PRKG1: variants seen among roughly 807,000 people sequenced by gnomAD.
The protein encoded by PRKG1 is protein kinase cGMP-dependent 1, also known as cGMP-dependent protein kinase 1.
In PRKG1, 35 loss-of-function variants were observed where a neutral mutation model predicts 88.1. The ratio of observed to expected loss-of-function variants is 0.40; its 90% CI spans 0.30 to 0.53. PRKG1 has a LOEUF of 0.53. Ranked by LOEUF, PRKG1 falls within the 20% of genes least tolerant of loss-of-function variation. PRKG1 has a pLI of 0.59. For missense variants in PRKG1, 540 were observed against 839.8 expected, an observed-to-expected ratio of 0.64 and a Z score of 4.41; for synonymous variants, 303 against 292.5, an observed-to-expected ratio of 1.04 and a Z score of -0.37.
chr10:51,545,498 A>G (rs1324256119), intron 3 of PRKG1, among the ~76,000 whole-genome samples: 1 of 152,128 alleles, frequency 6.6e-6, no homozygotes, highest in Non-Finnish European at 1.5e-5. Context: ...TTCCTGGGGC[A>G]TACACTTAAT....
chr10:52,180,005 C>A (rs948531584), intron 9 of PRKG1, among the ~76,000 whole-genome samples: 4 of 152,132 alleles, frequency 2.6e-5, no homozygotes, highest in African/African-American at 9.7e-5. Flanking sequence ...TTTTCTGTAC[C>A]TTTTGATTTC....
At chr10:51,290,296 A>G (rs1022620096) in intron 2 of PRKG1, among the ~76,000 whole-genome samples, 3 of 152,176 alleles carry the variant, frequency 2.0e-5, no homozygotes, top group Non-Finnish European at 4.4e-5. Flanking sequence ...TTTGTTTATA[A>G]TATTTGATAC....
At chr10:51,364,654 A>G (rs1267612933) in intron 2 of PRKG1, among the ~76,000 whole-genome samples, 1 of 151,958 alleles carries the variant, frequency 6.6e-6, no homozygotes, top group Non-Finnish European at 1.5e-5. Context: ...AAATGGATGG[A>G]TTTATATAAA....
intron 3 of PRKG1, among the ~76,000 whole-genome samples, chr10:51,502,667 T>C (rs1350304167): frequency 6.6e-6 from 1 of 152,142 alleles, no homozygotes; most frequent in East Asian, 1.9e-4. Flanking sequence ...AATGATGCTA[T>C]CCAAATCCCA....
intron 3 of PRKG1, among the ~76,000 whole-genome samples, chr10:51,504,324 G>GTA (rs766102624): frequency 2.6e-5 from 4 of 152,068 alleles, no homozygotes; most frequent in Non-Finnish European, 5.9e-5. Flanking sequence ...TGTTCCATTG[G>GTA]TATATATCTC....
intron 2 of PRKG1, among the ~76,000 whole-genome samples, chr10:51,374,796 T>C (rs1189322): frequency 0.69 from 104,537 of 152,098 alleles, 36,704 homozygotes; most frequent in African/African-American, 0.8. Flanking sequence ...TGTAGAAGCA[T>C]GAGACAGACT....
intron 5 of PRKG1, among the ~76,000 whole-genome samples, chr10:51,957,800 G>C (rs1843350193): frequency 6.6e-6 from 1 of 152,126 alleles, no homozygotes; most frequent in African/African-American, 2.4e-5. Flanking sequence ...TGAAATCACA[G>C]TTTGTAACTT....
chr10:51,601,297 A>T (rs1838592849), intron 3 of PRKG1, among the ~76,000 whole-genome samples: 1 of 152,188 alleles, frequency 6.6e-6, no homozygotes, highest in Non-Finnish European at 1.5e-5. Context: ...CTAAGTAAAT[A>T]TTATTGTCAA....
chr10:51,975,126 T>G (rs1025564423), intron 5 of PRKG1, among the ~76,000 whole-genome samples: 1 of 152,120 alleles, frequency 6.6e-6, no homozygotes, highest in Non-Finnish European at 1.5e-5. Context: ...GTGTTACCTC[T>G]TCAATTGCAA....
At chr10:51,116,994 G>A (rs1845139987) in intron 1 of PRKG1, among the ~76,000 whole-genome samples, 1 of 151,888 alleles carries the variant, frequency 6.6e-6, no homozygotes, top group Admixed American at 6.6e-5. Flanking sequence ...GGGTAGATCT[G>A]AGAGATAATG....
intron 9 of PRKG1, among the ~76,000 whole-genome samples, chr10:52,220,245 G>A (rs1026662904): frequency 3.9e-5 from 6 of 152,106 alleles, no homozygotes; most frequent in Admixed American, 6.5e-5. Flanking sequence ...GGGAAAGCCA[G>A]TCACCCTATC....
At chr10:51,167,346 G>A (rs537896519) in intron 2 of PRKG1, among the ~76,000 whole-genome samples, 18 of 152,154 alleles carry the variant, frequency 1.2e-4, no homozygotes, top group African/African-American at 3.4e-4. Flanking sequence ...AGTAAGGTAC[G>A]GAAAAGTTTG....
intron 1 of PRKG1, among the ~76,000 whole-genome samples, chr10:51,107,181 G>A (rs1844856924): frequency 6.6e-6 from 1 of 152,130 alleles, no homozygotes; most frequent in Non-Finnish European, 1.5e-5. Flanking sequence ...AACAAGCTTC[G>A]TGTACATGAG....
intron 3 of PRKG1, among the ~76,000 whole-genome samples, chr10:51,468,291 G>A (rs1197366401): frequency 6.6e-6 from 1 of 151,756 alleles, no homozygotes; most frequent in Non-Finnish European, 1.5e-5. Context: ...ACATCATTGA[G>A]TAAGATATCT....
chr10:52,157,316 T>TATATATAC (rs1838143532), intron 8 of PRKG1, among the ~76,000 whole-genome samples: 1 of 43,600 alleles, frequency 2.3e-5, no homozygotes, highest in East Asian at 4.1e-4. Flanking sequence ...GATATATATA[T>TATATATAC]ATATATATAT....
chr10:51,165,880 A>T (rs1203379888), intron 2 of PRKG1, among the ~76,000 whole-genome samples: 1 of 152,150 alleles, frequency 6.6e-6, no homozygotes. Context: ...TTTATTCCCC[A>T]TTGGAAAAAA....
At chr10:51,380,830 G>A (rs1346627570) in intron 2 of PRKG1, among the ~76,000 whole-genome samples, 1 of 152,126 alleles carries the variant, frequency 6.6e-6, no homozygotes, top group Non-Finnish European at 1.5e-5. Context: ...GGGGAATAAT[G>A]AAACTTAGGC....
rs1198465853 is a variant in PRKG1 at position 51,587,150 on chromosome 10, G to GC, written c.592+119315dup. On this transcript the variant is annotated intron_variant, in intron 3 of 17. Transcript: ENST00000373980. ...TGTCATCTGAGAAATGTAGGAACTG[G>GC]CTCCTTCTAGTTGGAAGACTTCTAA... 2.6e-5 allele frequency among the ~76,000 whole-genome samples: 4 copies of GC among 152,040 alleles called. No homozygotes were observed. In the East Asian group the frequency reaches 7.7e-4, roughly 29 times the overall value.
At chr10:51,182,024 T>A (rs74133508) in intron 2 of PRKG1, among the ~76,000 whole-genome samples, 8,071 of 152,290 alleles carry the variant, frequency 0.053, 398 homozygotes, top group African/African-American at 0.13. Context: ...CACCTTTGTC[T>A]TGAGGCTCCA....
Sources: gnomAD v4.1 joint callset for allele counts (sites outside exome capture counted in the v4.1 genomes callset) on GRCh38, gnomAD v4.1.1 for gene constraint, MANE v1.5 for transcripts, NCBI Gene and HGNC (gene_info 2026-07-23, HGNC 2026-07-21) for gene names.